Variants in TGFBR3 observed in about 807,000 individuals in gnomAD.
TGFBR3 encodes the protein transforming growth factor beta receptor 3.
A neutral mutation model predicts 87.9 loss-of-function variants in TGFBR3; 46 were observed. The observed-to-expected ratio is 0.52, with a 90% CI of 0.41 to 0.67. TGFBR3 has a LOEUF of 0.67. TGFBR3 is among the 30% of genes least tolerant of loss of function. The probability of loss-of-function intolerance (pLI) is 0.00; values close to 1 mark genes in which losing one functional copy is unlikely to be tolerated. For missense variants in TGFBR3, 866 were observed against 1,041.9 expected (o/e 0.83, Z 2.32); for synonymous variants, 381 against 391.6 (o/e 0.97, Z 0.32).
chr1:91,836,400 T>C (rs1012970723), intron 2 of TGFBR3, among the ~76,000 whole-genome samples: 2 of 146,570 alleles, frequency 1.4e-5, no homozygotes, highest in Non-Finnish European at 3.0e-5. Flanking sequence ...CCCAGGGAGA[T>C]GGATATTATC....
chr1:91,822,524 C>T (rs1345729458), intron 2 of TGFBR3, among the ~76,000 whole-genome samples: 1 of 152,140 alleles, frequency 6.6e-6, no homozygotes, highest in Admixed American at 6.5e-5. Flanking sequence ...AGCTATCACT[C>T]TCTTTCACTT....
chr1:91,741,897 T>C lies in TGFBR3; in HGVS notation c.385-6938A>G, dbSNP rs188714817. 3.8e-3 allele frequency among the ~76,000 whole-genome samples: 578 copies of C among 152,248 alleles called. 2 individuals carry two copies. The highest frequency in any genetic ancestry group is 0.024 in the Middle Eastern group (7 of 294). On this transcript the variant is annotated intron_variant, in intron 4 of 16. Coordinates refer to ENST00000212355, the MANE Select transcript of TGFBR3 (RefSeq NM_003243.5). ...CACACTGTCACCTGGGTAATCCTTC[T>C]AAAAAGTAAACACATGATAAAGCGG...
chr1:91,816,091 A>T (rs1236131809), intron 2 of TGFBR3, among the ~76,000 whole-genome samples: 1 of 152,212 alleles, frequency 6.6e-6, no homozygotes, highest in African/African-American at 2.4e-5. Context: ...AGCCACACAA[A>T]TCCTAATTCT....
chr1:91,681,841 C>T lies in TGFBR3; in HGVS notation c.*1898G>A, dbSNP rs1571400797. On this transcript the variant is annotated 3_prime_UTR_variant, in exon 17 of 17. Transcript: ENST00000212355. ...ACATTCCACCGAAGGTTAGGCAAAG[C>T]GCAATATTTTCAAACACAGGTAGCG... 4.4e-6 allele frequency: 2 copies of T among 453,044 alleles called. No homozygotes were observed. The highest frequency in any genetic ancestry group is 8.8e-6 in the Non-Finnish European group (2 of 226,624). 28.1% of individuals were successfully genotyped at this position (453,044 alleles called of 1,614,324 possible).
chr1:91,883,358 T>C (rs1355819455), intron 1 of TGFBR3, among the ~76,000 whole-genome samples: 4 of 152,204 alleles, frequency 2.6e-5, no homozygotes, highest in Non-Finnish European at 4.4e-5. Flanking sequence ...TGTTTATCTA[T>C]CTGTCCAGCC....
At chr1:91,769,961 C>G (rs1674317480) in intron 3 of TGFBR3, among the ~76,000 whole-genome samples, 1 of 152,204 alleles carries the variant, frequency 6.6e-6, no homozygotes, top group African/African-American at 2.4e-5. Context: ...AAAGTAAACA[C>G]TGCTCCTCAG....
rs116140408 is a variant in TGFBR3 at position 91,860,785 on chromosome 1, A to T, written c.61+686T>A. 2.0e-3 allele frequency among the ~76,000 whole-genome samples: 307 copies of T among 151,888 alleles called. 1 individual carries two copies. Among genetic ancestry groups the T allele is most frequent in the Non-Finnish European group, 4.0e-3 (269 of 67,964 alleles). On this transcript the variant is annotated intron_variant, in intron 2 of 16. Transcript: ENST00000212355. Reference sequence around the variant, plus strand: ...TGTCTCTATTAAAAATACAAATATTATCCACGTGTAGTGGCAGGCATCTGC... The same window carrying T: ...TGTCTCTATTAAAAATACAAATATTTTCCACGTGTAGTGGCAGGCATCTGC...
rs186838945 is a variant in TGFBR3 at position 91,728,578 on chromosome 1, C to G, written c.738-772G>C. ...TCTTTCTTTCCATCTCAGCTTTACA[C>G]ACTTGTAAAGCATAAAATGCATGGT... is the stretch of plus-strand genomic sequence containing the variant. On this transcript the variant is annotated intron_variant, in intron 6 of 16. Coordinates refer to ENST00000212355, the MANE Select transcript of TGFBR3 (RefSeq NM_003243.5). Among the ~76,000 whole-genome samples the G allele has an allele frequency of 1.2e-3, 177 of 152,274 alleles. 2 individuals carry two copies. Among genetic ancestry groups the G allele is most frequent in the African/African-American group, 4.2e-3 (173 of 41,550 alleles).
At position 91,838,764 on chromosome 1, in the gene TGFBR3, C is replaced by T. The variant is rs528904178; in HGVS notation, c.61+22707G>A. ...GATTACAGGCGTGAGCCACCGCGCC[C>T]GGCCGCAAATCTCTTTTCTTGTTAA... is the stretch of plus-strand genomic sequence containing the variant. On this transcript the variant is annotated intron_variant, in intron 2 of 16. Coordinates refer to ENST00000212355, the MANE Select transcript of TGFBR3 (RefSeq NM_003243.5). Among the ~76,000 whole-genome samples the T allele has an allele frequency of 7.9e-5, 12 of 152,166 alleles. No homozygotes were observed. The South Asian group carries it at 1.9e-3, about 24-fold the overall frequency.
intron 7 of TGFBR3, among the ~76,000 whole-genome samples, chr1:91,724,558 G>A (rs903618549): frequency 2.6e-5 from 4 of 152,134 alleles, no homozygotes; most frequent in Admixed American, 6.5e-5. Context: ...TTAAATCTAG[G>A]AGCTGTCAAT....
intron 10 of TGFBR3, among the ~76,000 whole-genome samples, chr1:91,717,205 C>T (rs1016819654): frequency 2.0e-5 from 3 of 151,504 alleles, no homozygotes; most frequent in Non-Finnish European, 2.9e-5. Flanking sequence ...AGCGAAGGAC[C>T]TAATGTTTGG....
At chr1:91,783,387 T>C (rs1372217494) in intron 3 of TGFBR3, 4 of 152,156 alleles carry the variant, frequency 2.6e-5, no homozygotes, top group African/African-American at 7.2e-5. Flanking sequence ...GCCAAGGAGC[T>C]CAGAGACAAG....
intron 2 of TGFBR3, among the ~76,000 whole-genome samples, chr1:91,834,114 G>GT (rs1676968056): frequency 6.6e-6 from 1 of 152,092 alleles, no homozygotes; most frequent in Non-Finnish European, 1.5e-5. Context: ...TGTTTTCATG[G>GT]TTTTTTAACA....
At chr1:91,848,253 T>C (rs191878807) in intron 2 of TGFBR3, among the ~76,000 whole-genome samples, 46 of 152,366 alleles carry the variant, frequency 3.0e-4, no homozygotes, top group Admixed American at 2.3e-3. Context: ...AGATGACCTA[T>C]GCTGTCAAAT....
chr1:91,810,551 C>T (rs921494201), intron 2 of TGFBR3, among the ~76,000 whole-genome samples: 1 of 152,210 alleles, frequency 6.6e-6, no homozygotes, highest in Non-Finnish European at 1.5e-5. Context: ...TTCCTCTCTC[C>T]CAGTGCTTGA....
intron 2 of TGFBR3, among the ~76,000 whole-genome samples, chr1:91,801,858 G>GTACA (rs1394450349): frequency 6.6e-6 from 1 of 152,068 alleles, no homozygotes; most frequent in Non-Finnish European, 1.5e-5. Flanking sequence ...CCCACAAAAG[G>GTACA]TACACATCCT....
intron 2 of TGFBR3, among the ~76,000 whole-genome samples, chr1:91,849,273 G>A (rs1489644383): frequency 6.6e-6 from 1 of 152,158 alleles, no homozygotes; most frequent in East Asian, 1.9e-4. Flanking sequence ...GTCATTCAGA[G>A]TGAGAACCTT....
At chr1:91,867,010 A>G (rs1364038735) in intron 1 of TGFBR3, among the ~76,000 whole-genome samples, 1 of 152,216 alleles carries the variant, frequency 6.6e-6, no homozygotes, top group Non-Finnish European at 1.5e-5. Flanking sequence ...GTCAGACAAG[A>G]AAGGATGGAG....
intron 2 of TGFBR3, among the ~76,000 whole-genome samples, chr1:91,849,201 G>A (rs1677622252): frequency 6.6e-6 from 1 of 152,120 alleles, no homozygotes; most frequent in African/African-American, 2.4e-5. Flanking sequence ...AGCCAGAGTG[G>A]TCCTGTTAAG....
Sources: allele counts gnomAD v4.1 joint callset (sites outside exome capture counted in the v4.1 genomes callset), GRCh38; gene constraint gnomAD v4.1.1; transcripts MANE v1.5; gene names NCBI Gene and HGNC (gene_info 2026-07-23, HGNC 2026-07-21).